TOR1A: variants seen among roughly 807,000 people sequenced by gnomAD.
TOR1A encodes the protein torsin family 1 member A.
Under a neutral mutation model 31.4 loss-of-function variants are expected in TOR1A, and 18 were observed. That is an observed-to-expected ratio of 0.57 (90% CI 0.40 to 0.85). The LOEUF (loss-of-function observed/expected upper bound fraction) is 0.85, where lower values mean the gene tolerates loss of function less well. Ranked by LOEUF, TOR1A falls within the 40% of genes least tolerant of loss-of-function variation. The pLI, the probability that TOR1A is intolerant of heterozygous loss-of-function variation, is 0.00. For missense variants in TOR1A, 375 were observed against 416.4 expected (o/e 0.90, Z 0.87); for synonymous variants, 168 against 165.9 (o/e 1.01, Z -0.10).
intron 1 of TOR1A, 58 bp from the exon 2 acceptor site, chr9:129,822,904 A>G: frequency 1.2e-6 from 2 of 1,613,110 alleles, no homozygotes; most frequent in Non-Finnish European, 8.5e-7. Context: ...ATGTAGCCAC[A>G]TTTACAGCCC....
intron 2 of TOR1A, among the ~76,000 whole-genome samples, chr9:129,819,123 G>A (rs143105282): frequency 1.1e-3 from 165 of 152,290 alleles, no homozygotes; most frequent in African/African-American, 3.7e-3. Context: ...AGGGAACTGA[G>A]GCACAGAGAG....
Position 129,813,917 on chromosome 9 carries a change from G to C in TOR1A, c.*55C>G. Reference sequence around the variant, plus strand: ...CTGGGGGTGGAAGTGTGGAAGGACTGAGTGTTGTTTCTTTTCCAACTCCAG... The same window carrying C: ...CTGGGGGTGGAAGTGTGGAAGGACTCAGTGTTGTTTCTTTTCCAACTCCAG... On this transcript the variant is annotated 3_prime_UTR_variant, in exon 5 of 5. Coordinates refer to ENST00000351698, the MANE Select transcript of TOR1A (RefSeq NM_000113.3). The C allele has an allele frequency of 6.2e-7, 1 of 1,606,470 alleles. No individual in the cohort carries two copies. Among genetic ancestry groups the C allele is most frequent in the East Asian group, 2.2e-5 (1 of 44,876 alleles).
At chr9:129,814,966 C>T (rs542139970) in intron 4 of TOR1A, among the ~76,000 whole-genome samples, 1 of 152,286 alleles carries the variant, frequency 6.6e-6, no homozygotes, top group Admixed American at 6.5e-5. Flanking sequence ...GAAGGCCTGG[C>T]CTTGGCCGTG....
chr9:129,819,054 ATCT>A, intron 2 of TOR1A, 134 bp from the exon 3 acceptor site: 2 of 997,454 alleles, frequency 2.0e-6, no homozygotes, highest in South Asian at 1.4e-5. Flanking sequence ...CATGCCCAAA[ATCT>A]TCTTTGTTCC....
chr9:129,821,959 C>G (rs1426338324), intron 2 of TOR1A: 1 of 168,594 alleles, frequency 5.9e-6, no homozygotes, highest in African/African-American at 2.4e-5. Flanking sequence ...TACATGTTTC[C>G]TCTTTCACAA....
chr9:129,819,698 C>T (rs1015250815), intron 2 of TOR1A, among the ~76,000 whole-genome samples: 4 of 151,476 alleles, frequency 2.6e-5, no homozygotes, highest in East Asian at 1.9e-4. Flanking sequence ...GCGGAGGTTG[C>T]GGTGAGCCAA....
At chr9:129,818,997 C>T (rs543781155) in intron 2 of TOR1A, 77 bp from the exon 3 acceptor site, 33 of 1,522,300 alleles carry the variant, frequency 2.2e-5, no homozygotes, top group East Asian at 4.6e-5. Flanking sequence ...CACTAAGAAC[C>T]GCAGCTTCAC....
At position 129,813,235 on chromosome 9, in the gene TOR1A, C is replaced by G. The variant is rs189297542; in HGVS notation, c.*737G>C. 3.2e-4 allele frequency: 49 copies of G among 152,600 alleles called. No homozygotes were observed. The highest frequency in any genetic ancestry group is 1.1e-3 in the African/African-American group (47 of 41,590). The allele number at this position is 152,600 out of a possible 1,614,324, so 9.5% of individuals were successfully genotyped here. A position where few individuals can be genotyped will look rare whatever the true frequency, so the allele number is the denominator to read the frequency against. ...TTGGAAATACTTTTCTTTCAAAAGA[C>G]TGGTTCTAACAAATGTTGACAGTGT... On this transcript the variant is annotated 3_prime_UTR_variant, in exon 5 of 5. Transcript: ENST00000351698.
rs755468081 is a variant in TOR1A, at chr9:129,814,041, C to T, written c.930G>A (p.Glu310=). ...VAEEMTFFPK[E]ERVFSDKGCK... is the part of the protein sequence containing the mutation. ...AGCCTTTATCTGAGAAAACTCTCTC[C>T]TCTTTGGGGAAAAATGTCATCTCCT... Residue 310 remains glutamate (E), a synonymous_variant, in exon 5 of 5, where the codon GAG becomes GAA. Transcript: ENST00000351698. 18 of 1,614,062 alleles carry T rather than the reference C, an allele frequency of 1.1e-5. No individual in the cohort carries two copies. The Admixed American group carries it at 2.3e-4, about 21-fold the overall frequency.
intron 4 of TOR1A, among the ~76,000 whole-genome samples, chr9:129,815,313 G>C (rs2031008301): frequency 6.6e-6 from 1 of 152,244 alleles, no homozygotes; most frequent in Non-Finnish European, 1.5e-5. Flanking sequence ...CCACTGAATG[G>C]GAACGAGGGG....
chr9:129,818,286 G>A lies in TOR1A; in HGVS notation c.748+234C>T, dbSNP rs765713432. 16 of 613,050 alleles carry A rather than the reference G, an allele frequency of 2.6e-5. No individual in the cohort carries two copies. Among genetic ancestry groups the A allele is most frequent in the Non-Finnish European group, 4.5e-5 (16 of 355,722 alleles). The allele number at this position is 613,050 out of a possible 1,614,324, so 38.0% of individuals were successfully genotyped here. A position where few individuals can be genotyped will look rare whatever the true frequency, so the allele number is the denominator to read the frequency against. ...CCACTGCACTCCAGCCTAGGTGACA[G>A]AGTAAAACTATCTGAAAAATAAAAA... is the stretch of plus-strand genomic sequence containing the variant. On this transcript the variant is annotated intron_variant, in intron 4 of 4. Coordinates refer to ENST00000351698, the MANE Select transcript of TOR1A (RefSeq NM_000113.3).
intron 2 of TOR1A, among the ~76,000 whole-genome samples, chr9:129,819,156 CTA>C (rs1221162818): frequency 6.6e-6 from 1 of 152,160 alleles, no homozygotes; most frequent in Non-Finnish European, 1.5e-5. Context: ...TTGCCCAAGA[CTA>C]TATGTGGCAG....
intron 4 of TOR1A, among the ~76,000 whole-genome samples, chr9:129,817,693 C>A: frequency 8.0e-6 from 1 of 125,782 alleles, no homozygotes; most frequent in African/African-American, 3.0e-5. Flanking sequence ...AGCGAGACTC[C>A]ATCTCAAAAA....
rs2131007439 is a variant in TOR1A at position 129,822,758 on chromosome 9, G to A, written c.267C>T (p.Asn89=). Residue 89 remains asparagine, a synonymous_variant, in exon 2 of 5, where the codon AAC becomes AAT. Transcript: ENST00000351698. ...GCGTGAGAGGTTTCTTGGGCTTTGG[G>A]TTGTTTATGAAACCAAACACGGCAT... ...ILNAVFGFIN[N]PKPKKPLTLS... is the part of the protein sequence containing the mutation. 6.2e-7 allele frequency: 1 copy of A among 1,614,194 alleles called. No individual in the cohort carries two copies. The highest frequency in any genetic ancestry group is 8.5e-7 in the Non-Finnish European group (1 of 1,180,038).
Position 129,813,270 on chromosome 9 carries a change from C to A in TOR1A, c.*702G>T, listed in dbSNP as rs1315372022. The A allele has an allele frequency of 6.5e-6, 1 of 152,868 alleles. No individual in the cohort carries two copies. The highest frequency in any genetic ancestry group is 2.4e-5 in the African/African-American group (1 of 41,462). The allele number at this position is 152,868 out of a possible 1,614,324, so 9.5% of individuals were successfully genotyped here. On this transcript the variant is annotated 3_prime_UTR_variant, in exon 5 of 5. Transcript: ENST00000351698. ...CAAATGTTGACAGTGTGGCCAAAAT[C>A]ACTCCCACAGCTCCCATTGTTGCTA...
chr9:129,815,500 G>A (rs1428482821), intron 4 of TOR1A, among the ~76,000 whole-genome samples: 1 of 152,222 alleles, frequency 6.6e-6, no homozygotes, highest in Non-Finnish European at 1.5e-5. Context: ...ACAGCAGAAC[G>A]GACATGGAGA....
intron 4 of TOR1A, among the ~76,000 whole-genome samples, chr9:129,816,179 C>T (rs1020941977): frequency 5.3e-5 from 8 of 152,174 alleles, no homozygotes; most frequent in East Asian, 3.9e-4. Context: ...AGGCCCCCCT[C>T]GGGCCCCTGG....
In TOR1A at chr9:129,813,758, G is replaced by C. The variant is rs1183; in HGVS notation, c.*214C>G. 0.08 allele frequency: 52,667 copies of C among 657,396 alleles called. 2,431 individuals carry two copies. Among genetic ancestry groups the C allele is most frequent in the Middle Eastern group, 0.12 (300 of 2,414 alleles). The allele number at this position is 657,396 out of a possible 1,614,324, so 40.7% of individuals were successfully genotyped here. A position where few individuals can be genotyped will look rare whatever the true frequency, so the allele number is the denominator to read the frequency against. On this transcript the variant is annotated 3_prime_UTR_variant, in exon 5 of 5. Transcript: ENST00000351698. The stretch of plus-strand genomic sequence containing the variant: ...GAGCTGGCTCCTTCCTTCTGTGCGT[G>C]TTCGGGAGGCTTCACGTCCTCGCCC...
intron 2 of TOR1A, among the ~76,000 whole-genome samples, chr9:129,820,991 G>A (rs563733185): frequency 1.3e-5 from 2 of 152,310 alleles, no homozygotes; most frequent in African/African-American, 2.4e-5. Context: ...TTTTTCCATA[G>A]ATACAGTCAG....
Sources: gnomAD v4.1 joint callset for allele counts (sites outside exome capture counted in the v4.1 genomes callset) on GRCh38, gnomAD v4.1.1 for gene constraint, MANE v1.5 for transcripts, NCBI Gene and HGNC (gene_info 2026-07-23, HGNC 2026-07-21) for gene names.